The following ADGRL4 variants were observed in gnomAD, a reference collection of about 807,000 sequenced individuals.
ADGRL4 encodes adhesion G protein-coupled receptor L4.
ADGRL4 carries 90 observed loss-of-function variants against 74.8 expected under a neutral mutation model. The observed-to-expected ratio is 1.20, with a 90% CI of 1.02 to 1.43. The LOEUF (loss-of-function observed/expected upper bound fraction) is 1.43. ADGRL4 is among the 40% of genes most tolerant of loss of function. ADGRL4 has a pLI of 0.00. For synonymous variants in ADGRL4, 311 were observed against 279.2 expected, an observed-to-expected ratio of 1.11 and a Z score of -1.14; for missense variants, 881 against 814.3, an observed-to-expected ratio of 1.08 and a Z score of -1.00.
chr1:78,961,116 GC>G (rs1432298487), intron 2 of ADGRL4, among the ~76,000 whole-genome samples: 2 of 149,650 alleles, frequency 1.3e-5, no homozygotes, highest in African/African-American at 4.9e-5. Context: ...ACGGAGTCTT[GC>G]TGTCACCAGG....
At chr1:78,927,113 T>C in intron 7 of ADGRL4, 22 bp from the exon 8 acceptor site, 1 of 1,452,520 alleles carries the variant, frequency 6.9e-7, no homozygotes, top group South Asian at 1.2e-5. Context: ...ATAAGTATAT[T>C]TAGTGAAATT....
At position 78,894,921 on chromosome 1, in the gene ADGRL4, G is replaced by T. The variant is rs187773084; in HGVS notation, c.1750-1732C>A. Among the ~76,000 whole-genome samples, 143 of 151,920 alleles carry T rather than the reference G, an allele frequency of 9.4e-4. 1 individual carries two copies. The highest frequency in any genetic ancestry group is 3.3e-3 in the African/African-American group (138 of 41,494). On this transcript the variant is annotated intron_variant, in intron 12 of 14. Coordinates refer to ENST00000370742, the MANE Select transcript of ADGRL4 (RefSeq NM_022159.4). ...ATAAAACTGAGTTTGAAAAATAGTT[G>T]CTCATACTGCTAATGGTTTCTCAGA...
chr1:78,984,097 T>C (rs1005818790), intron 2 of ADGRL4, among the ~76,000 whole-genome samples: 1 of 151,698 alleles, frequency 6.6e-6, no homozygotes, highest in Non-Finnish European at 1.5e-5. Flanking sequence ...TAAGAGACAG[T>C]AGAGTATACT....
chr1:78,925,478 T>A (rs566454753), intron 8 of ADGRL4, among the ~76,000 whole-genome samples: 1 of 152,140 alleles, frequency 6.6e-6, no homozygotes, highest in African/African-American at 2.4e-5. Context: ...ACTGTAGAAT[T>A]ATGTATTAGT....
At chr1:78,930,442 A>G (rs913297341) in intron 7 of ADGRL4, among the ~76,000 whole-genome samples, 7 of 131,182 alleles carry the variant, frequency 5.3e-5, no homozygotes, top group Non-Finnish European at 6.2e-5. Context: ...ACCAAGGAAA[A>G]GCTGATTTTT....
intron 2 of ADGRL4, among the ~76,000 whole-genome samples, chr1:78,962,452 G>T (rs1444364633): frequency 2.6e-5 from 4 of 151,944 alleles, no homozygotes; most frequent in Non-Finnish European, 5.9e-5. Context: ...TGTGAAGATG[G>T]CAGCCATTTT....
intron 12 of ADGRL4, among the ~76,000 whole-genome samples, chr1:78,900,777 G>A (rs1648500133): frequency 6.6e-6 from 1 of 152,102 alleles, no homozygotes; most frequent in Non-Finnish European, 1.5e-5. Flanking sequence ...GGAACTGTGA[G>A]TCAATTAAAC....
chr1:78,926,809 T>G, intron 8 of ADGRL4, 77 bp downstream of exon 8: 1 of 1,051,272 alleles, frequency 9.5e-7, no homozygotes, highest in Admixed American at 2.5e-5. Context: ...CTCAGATAAT[T>G]TAAGTGACAC....
chr1:78,934,937 C>T lies in ADGRL4; in HGVS notation c.877+1358G>A, dbSNP rs530917095. Among the ~76,000 whole-genome samples, 16 of 152,250 alleles carry T rather than the reference C, an allele frequency of 1.1e-4. No individual in the cohort carries two copies. In the South Asian group the frequency reaches 2.5e-3, roughly 24 times the overall value. The stretch of plus-strand genomic sequence containing the variant: ...TGGTGAGGCTGTGGAGAAATAGGAA[C>T]GCTTTTACACTGTTAGTGGGAATGT... On this transcript the variant is annotated intron_variant, in intron 7 of 14. Transcript: ENST00000370742.
At chr1:78,909,807 T>C (rs1174268098) in intron 12 of ADGRL4, among the ~76,000 whole-genome samples, 1 of 151,904 alleles carries the variant, frequency 6.6e-6, no homozygotes, top group Non-Finnish European at 1.5e-5. Context: ...CTAATAATTT[T>C]ATGTAATAGA....
chr1:78,956,737 C>T (rs138945151), intron 2 of ADGRL4, among the ~76,000 whole-genome samples: 21 of 151,962 alleles, frequency 1.4e-4, no homozygotes, highest in African/African-American at 5.1e-4. Context: ...GAGAAAACAA[C>T]AATAAAGAAA....
intron 2 of ADGRL4, among the ~76,000 whole-genome samples, chr1:78,966,548 T>G (rs576505967): frequency 6.6e-6 from 1 of 152,288 alleles, no homozygotes; most frequent in South Asian, 2.1e-4. Flanking sequence ...TAGGAGAAAC[T>G]GTGCCCCCAC....
intron 7 of ADGRL4, among the ~76,000 whole-genome samples, chr1:78,929,849 T>G (rs1455116100): frequency 6.6e-6 from 1 of 151,534 alleles, no homozygotes; most frequent in Non-Finnish European, 1.5e-5. Flanking sequence ...ATTAATTCCA[T>G]GACAATTTCA....
intron 1 of ADGRL4, among the ~76,000 whole-genome samples, chr1:79,005,605 G>A (rs1364599982): frequency 1.3e-5 from 2 of 152,162 alleles, no homozygotes; most frequent in African/African-American, 2.4e-5. Context: ...TCCCTCCTCT[G>A]GGAGTAATCC....
At chr1:78,904,879 A>C (rs1231189673) in intron 12 of ADGRL4, among the ~76,000 whole-genome samples, 1 of 152,086 alleles carries the variant, frequency 6.6e-6, no homozygotes, top group Non-Finnish European at 1.5e-5. Context: ...TTAAGTTCTC[A>C]ACAAACATCA....
intron 9 of ADGRL4, among the ~76,000 whole-genome samples, chr1:78,920,982 T>C (rs2100672417): frequency 6.6e-6 from 1 of 151,958 alleles, no homozygotes; most frequent in East Asian, 1.9e-4. Flanking sequence ...CAGGTAGATT[T>C]ATTTGGTTAC....
At chr1:78,927,819 G>A (rs1649150795) in intron 7 of ADGRL4, among the ~76,000 whole-genome samples, 1 of 152,128 alleles carries the variant, frequency 6.6e-6, no homozygotes, top group Non-Finnish European at 1.5e-5. Context: ...GTGTGAGCTA[G>A]AAGTTGCCAA....
Position 78,891,082 on chromosome 1 carries a change from T to G in ADGRL4, c.*72A>C. The G allele has an allele frequency of 6.9e-7, 1 of 1,444,330 alleles. No individual in the cohort carries two copies. Among genetic ancestry groups the G allele is most frequent in the Non-Finnish European group, 9.7e-7 (1 of 1,027,120 alleles). The allele number at this position is 1,444,330 out of a possible 1,614,324, so 89.5% of individuals were successfully genotyped here. A position where few individuals can be genotyped will look rare whatever the true frequency, so the allele number is the denominator to read the frequency against. On this transcript the variant is annotated 3_prime_UTR_variant, in exon 15 of 15. Coordinates refer to ENST00000370742, the MANE Select transcript of ADGRL4 (RefSeq NM_022159.4). Reference sequence around the variant, plus strand: ...TAATTGGATAATTTGATGAGTCATTTTTATACATTGGTCATCCACAGCTTG... The same window carrying G: ...TAATTGGATAATTTGATGAGTCATTGTTATACATTGGTCATCCACAGCTTG...
At chr1:78,968,504 G>A (rs1303661046) in intron 2 of ADGRL4, among the ~76,000 whole-genome samples, 3 of 74,742 alleles carry the variant, frequency 4.0e-5, no homozygotes, top group Admixed American at 3.8e-4. Context: ...GGAGGGCGGT[G>A]GGGGGGTGGG....
Sources: gnomAD v4.1 joint callset for allele counts (sites outside exome capture counted in the v4.1 genomes callset) on GRCh38, gnomAD v4.1.1 for gene constraint, MANE v1.5 for transcripts, NCBI Gene and HGNC (gene_info 2026-07-23, HGNC 2026-07-21) for gene names.